MICU1: variants seen among roughly 807,000 people sequenced by gnomAD.
The protein encoded by MICU1 is mitochondrial calcium uptake 1.
Under a neutral mutation model 56.8 loss-of-function variants are expected in MICU1, and 45 were observed. That is an observed-to-expected ratio of 0.79 (90% CI 0.62 to 1.02). MICU1 has a LOEUF of 1.02. Ranked by LOEUF, MICU1 falls within the 50% of genes least tolerant of loss-of-function variation. The pLI is 0.00. For synonymous variants in MICU1, 186 were observed against 195.1 expected, an observed-to-expected ratio of 0.95 and a Z score of 0.39; for missense variants, 504 against 587.1, an observed-to-expected ratio of 0.86 and a Z score of 1.46.
At chr10:72,496,491 G>A (rs1866849864) in intron 6 of MICU1, among the ~76,000 whole-genome samples, 1 of 152,104 alleles carries the variant, frequency 6.6e-6, no homozygotes, top group African/African-American at 2.4e-5. Flanking sequence ...TAGTAGAGAT[G>A]GGGTTTCATT....
chr10:72,599,660 A>G (rs754456639), intron 1 of MICU1, among the ~76,000 whole-genome samples: 25 of 151,978 alleles, frequency 1.6e-4, no homozygotes, highest in Non-Finnish European at 2.8e-4. Context: ...ATCACCCAAA[A>G]CCTGCCTCCA....
chr10:72,378,275 A>G (rs935703148), intron 10 of MICU1, among the ~76,000 whole-genome samples: 1 of 152,130 alleles, frequency 6.6e-6, no homozygotes, highest in Admixed American at 6.6e-5. Context: ...CAAAAACAAA[A>G]AAACCCTGAA....
At chr10:72,482,836 CATAT>C (rs5786079) in intron 6 of MICU1, among the ~76,000 whole-genome samples, 13 of 144,756 alleles carry the variant, frequency 9.0e-5, no homozygotes, top group South Asian at 2.2e-4. Context: ...TATATATATA[CATAT>C]ATATATATAT....
intron 10 of MICU1, among the ~76,000 whole-genome samples, chr10:72,398,095 T>G (rs1863328849): frequency 2.6e-5 from 4 of 151,704 alleles, no homozygotes; most frequent in Admixed American, 2.6e-4. Flanking sequence ...CTCATTTGAT[T>G]GACCACAGTG....
At chr10:72,443,531 T>C (rs1412302198) in intron 8 of MICU1, among the ~76,000 whole-genome samples, 5 of 152,238 alleles carry the variant, frequency 3.3e-5, no homozygotes, top group Non-Finnish European at 7.3e-5. Context: ...TTAATCCATC[T>C]TGAATTGATT....
intron 8 of MICU1, among the ~76,000 whole-genome samples, chr10:72,432,890 G>A (rs928338936): frequency 6.6e-6 from 1 of 152,192 alleles, no homozygotes; most frequent in Non-Finnish European, 1.5e-5. Flanking sequence ...GTTTAGGTCT[G>A]TTTTATGTGT....
At chr10:72,435,385 C>CAAAAAAAAA (rs34955776) in intron 8 of MICU1, among the ~76,000 whole-genome samples, 3 of 48,058 alleles carry the variant, frequency 6.2e-5, no homozygotes, top group Non-Finnish European at 9.9e-5. Flanking sequence ...GACCCTGTTA[C>CAAAAAAAAA]AAAAAAAAAA....
intron 10 of MICU1, among the ~76,000 whole-genome samples, chr10:72,380,737 T>C (rs1230127096): frequency 1.3e-5 from 2 of 152,222 alleles, no homozygotes; most frequent in African/African-American, 4.8e-5. Flanking sequence ...GCTGGTGCCC[T>C]TTCCCTATAC....
intron 6 of MICU1, among the ~76,000 whole-genome samples, chr10:72,496,990 A>G (rs933161279): frequency 4.6e-5 from 7 of 152,192 alleles, no homozygotes; most frequent in South Asian, 4.1e-4. Context: ...AAACCATTCA[A>G]TGACAACCAC....
intron 1 of MICU1, among the ~76,000 whole-genome samples, chr10:72,612,350 C>A (rs757975731): frequency 6.6e-6 from 1 of 151,878 alleles, no homozygotes; most frequent in Non-Finnish European, 1.5e-5. Context: ...GCTGACCAGA[C>A]TTTAATCTGA....
intron 1 of MICU1, among the ~76,000 whole-genome samples, chr10:72,575,712 CA>C (rs1180850519): frequency 2.6e-5 from 4 of 152,108 alleles, no homozygotes; most frequent in Non-Finnish European, 4.4e-5. Flanking sequence ...AAACCATGCC[CA>C]AAGATGGCAA....
intron 8 of MICU1, among the ~76,000 whole-genome samples, chr10:72,440,213 T>A (rs1305099506): frequency 6.6e-6 from 1 of 152,074 alleles, no homozygotes; most frequent in Non-Finnish European, 1.5e-5. Flanking sequence ...TATAGACTAA[T>A]GGAACAGAAC....
chr10:72,537,064 G>C (rs1168628735), intron 4 of MICU1, among the ~76,000 whole-genome samples: 3 of 152,162 alleles, frequency 2.0e-5, no homozygotes, highest in Admixed American at 1.3e-4. Context: ...TTAAAAAAAT[G>C]GTGAGGGGGA....
intron 5 of MICU1, among the ~76,000 whole-genome samples, chr10:72,520,985 A>C (rs1308823651): frequency 6.6e-6 from 1 of 152,142 alleles, no homozygotes; most frequent in Non-Finnish European, 1.5e-5. Context: ...ACCTAAATCT[A>C]AGAATTTAAT....
At chr10:72,374,958 G>C (rs1172272942) in intron 11 of MICU1, among the ~76,000 whole-genome samples, 1 of 151,422 alleles carries the variant, frequency 6.6e-6, no homozygotes. Flanking sequence ...TTTCAGGCAC[G>C]CACCACTGTG....
At chr10:72,596,671 G>A (rs1000822601) in intron 1 of MICU1, among the ~76,000 whole-genome samples, 1 of 151,484 alleles carries the variant, frequency 6.6e-6, no homozygotes, top group African/African-American at 2.4e-5. Context: ...TCAGGAGTTC[G>A]GGACCACCCT....
chr10:72,508,345 AC>A lies in MICU1; in HGVS notation c.538-77del, dbSNP rs1190170583. ...GAATATAAATAGTAAGAGATGAATC[AC>A]CATTTATCTGACAGTTTTATGCTAT... On this transcript the variant is annotated intron_variant, in intron 5 of 11. Coordinates refer to ENST00000361114, the MANE Select transcript of MICU1 (RefSeq NM_001195518.2). 2.9e-5 allele frequency: 16 copies of A among 560,464 alleles called. No individual in the cohort carries two copies. In the Middle Eastern group the frequency reaches 1.4e-3, roughly 48 times the overall value. 34.7% of individuals were successfully genotyped at this position (560,464 alleles called of 1,614,324 possible).
intron 5 of MICU1, among the ~76,000 whole-genome samples, chr10:72,525,857 G>C (rs557141161): frequency 2.6e-5 from 4 of 152,228 alleles, no homozygotes; most frequent in Admixed American, 2.0e-4. Context: ...TTATGTGGGA[G>C]AGCCTATATT....
At chr10:72,596,238 G>A (rs1179643814) in intron 1 of MICU1, among the ~76,000 whole-genome samples, 1 of 152,058 alleles carries the variant, frequency 6.6e-6, no homozygotes, top group Admixed American at 6.5e-5. Context: ...GCCTCCCAAA[G>A]TGCTGGGATT....
Sources: gnomAD v4.1 joint callset for allele counts (sites outside exome capture counted in the v4.1 genomes callset) on GRCh38, gnomAD v4.1.1 for gene constraint, MANE v1.5 for transcripts, NCBI Gene and HGNC (gene_info 2026-07-23, HGNC 2026-07-21) for gene names.